The following HORMAD2 variants were observed in gnomAD, a reference collection of about 807,000 sequenced individuals.
The protein encoded by HORMAD2 is HORMA domain-containing protein 2.
A neutral mutation model predicts 38.8 loss-of-function variants in HORMAD2; 45 were observed. The observed-to-expected ratio is 1.16, with a 90% CI of 0.91 to 1.49. The LOEUF is 1.49. Among genes scored for constraint, HORMAD2 ranks in the 40% most tolerant of loss-of-function variants. The pLI is 0.00. For missense variants in HORMAD2, 338 were observed against 367.0 expected, an observed-to-expected ratio of 0.92 and a Z score of 0.65; for synonymous variants, 126 against 122.8, an observed-to-expected ratio of 1.03 and a Z score of -0.17.
the HORMAD2 span, among the ~76,000 whole-genome samples, chr22:30,183,426 C>G: frequency 1.3e-5 from 2 of 152,192 alleles, no homozygotes; most frequent in Non-Finnish European, 2.9e-5. Flanking sequence ...TGTTACAGGC[C>G]TGCATGCCCG....
chr22:30,203,430 G>A, the HORMAD2 span, among the ~76,000 whole-genome samples: 1 of 151,380 alleles, frequency 6.6e-6, no homozygotes, highest in African/African-American at 2.4e-5. Context: ...TTGGTGCTTG[G>A]AAATGCCTGG....
upstream of HORMAD2, among the ~76,000 whole-genome samples, chr22:30,077,931 T>C (rs908408524): frequency 1.3e-5 from 2 of 152,252 alleles, no homozygotes; most frequent in Non-Finnish European, 2.9e-5. Context: ...AGGTATCTAT[T>C]TGAATACCTT....
chr22:30,135,918 A>G lies in HORMAD2; in HGVS notation c.819+13704A>G, dbSNP rs1923620135. Among the ~76,000 whole-genome samples, 8 of 152,232 alleles carry G rather than the reference A, an allele frequency of 5.3e-5. No homozygotes were observed. The South Asian group carries it at 1.7e-3, about 32-fold the overall frequency. On this transcript the variant is annotated intron_variant, in intron 10 of 10. Coordinates refer to ENST00000336726, the MANE Select transcript of HORMAD2 (RefSeq NM_152510.4). ...CAGAATCTAATAAAAGTTTCTTGAT[A>G]TGTAAAGCAGCAGGAAAACTGATCC...
chr22:30,201,792 T>A, the HORMAD2 span, among the ~76,000 whole-genome samples: 197 of 152,178 alleles, frequency 1.3e-3, no homozygotes, highest in African/African-American at 4.3e-3. Flanking sequence ...CGAGGCTACA[T>A]CTAGAAGTTG....
the HORMAD2 span, among the ~76,000 whole-genome samples, chr22:30,206,123 C>T: frequency 1.8e-4 from 27 of 152,086 alleles, no homozygotes; most frequent in Admixed American, 9.2e-4. Context: ...TCTCACCCCC[C>T]GCCTCCATTT....
chr22:30,125,264 G>A (rs1288937659), intron 10 of HORMAD2, among the ~76,000 whole-genome samples: 3 of 39,786 alleles, frequency 7.5e-5, no homozygotes, highest in Non-Finnish European at 1.2e-4. Flanking sequence ...TCCTCTTGTT[G>A]CCCAGCAGGC....
the HORMAD2 span, among the ~76,000 whole-genome samples, chr22:30,202,853 G>A: frequency 3.4e-4 from 52 of 152,306 alleles, 1 homozygote; most frequent in Middle Eastern, 0.014. Context: ...CACTCTCAGC[G>A]GCTGTTCCTC....
At chr22:30,186,824 T>C in the HORMAD2 span, among the ~76,000 whole-genome samples, 29 of 151,814 alleles carry the variant, frequency 1.9e-4, no homozygotes, top group African/African-American at 5.5e-4. Context: ...GTGAACGTCA[T>C]TAATCAAATT....
chr22:30,118,998 C>T lies in HORMAD2; in HGVS notation c.361C>T (p.Gln121Ter). ...MGSEKVTEMYQFKFKYTKEGA... is the reference protein window; with the variant it reads ...MGSEKVTEMY ...TTTGTAGAAGGTGACTGAGATGTAC[C>T]AGTTCAAATTCAAATACACGAAAGA... The change falls in exon 8 of 11, where the codon CAG becomes TAG. Residue 121 changes from glutamine to a stop codon, truncating the protein, a stop_gained. Coordinates refer to ENST00000336726, the MANE Select transcript of HORMAD2 (RefSeq NM_152510.4). LOFTEE classifies it high-confidence loss of function. 6.3e-7 allele frequency: 1 copy of T among 1,588,034 alleles called. No homozygotes were observed. Among genetic ancestry groups the T allele is most frequent in the Non-Finnish European group, 8.6e-7 (1 of 1,166,086 alleles).
intron 8 of HORMAD2, among the ~76,000 whole-genome samples, chr22:30,119,411 A>G (rs1922283537): frequency 6.6e-6 from 1 of 152,188 alleles, no homozygotes. Context: ...TGCCTAGGGT[A>G]GATAATACCC....
At chr22:30,114,548 G>A (rs970967318) in intron 7 of HORMAD2, among the ~76,000 whole-genome samples, 3 of 152,140 alleles carry the variant, frequency 2.0e-5, no homozygotes, top group Non-Finnish European at 2.9e-5. Flanking sequence ...CATCGTCTTT[G>A]GCATTCATCT....
the HORMAD2 span, among the ~76,000 whole-genome samples, chr22:30,199,225 A>G: frequency 1.3e-5 from 2 of 152,248 alleles, no homozygotes; most frequent in Admixed American, 1.3e-4. Context: ...AAAGAAACGC[A>G]GGCGTGATCA....
At chr22:30,137,864 A>C (rs573340085) in intron 10 of HORMAD2, among the ~76,000 whole-genome samples, 1 of 152,278 alleles carries the variant, frequency 6.6e-6, no homozygotes, top group African/African-American at 2.4e-5. Flanking sequence ...ATTGTGAATA[A>C]TGCTGCTATA....
At chr22:30,156,595 T>C (rs1925092524) in intron 10 of HORMAD2, among the ~76,000 whole-genome samples, 1 of 152,264 alleles carries the variant, frequency 6.6e-6, no homozygotes, top group African/African-American at 2.4e-5. Flanking sequence ...TTCTGATGCC[T>C]GACGCCCTTG....
At chr22:30,181,640 T>C (rs568519723), downstream of HORMAD2, among the ~76,000 whole-genome samples, 1 of 152,354 alleles carries the variant, frequency 6.6e-6, no homozygotes, top group African/African-American at 2.4e-5. Context: ...TGTAGCTGTC[T>C]TTAAATTTAT....
At chr22:30,174,178 T>C (rs752016135) in intron 10 of HORMAD2, among the ~76,000 whole-genome samples, 56 of 152,344 alleles carry the variant, frequency 3.7e-4, no homozygotes, top group Non-Finnish European at 7.3e-4. Flanking sequence ...TAAAAAGCTG[T>C]ATGTTTAAAA....
the HORMAD2 span, among the ~76,000 whole-genome samples, chr22:30,201,021 A>T: frequency 6.6e-6 from 1 of 152,124 alleles, no homozygotes; most frequent in Non-Finnish European, 1.5e-5. Flanking sequence ...AAGTGCTGGG[A>T]TTATAGGCGT....
chr22:30,170,303 C>G (rs548486217), intron 10 of HORMAD2, among the ~76,000 whole-genome samples: 1 of 152,268 alleles, frequency 6.6e-6, no homozygotes, highest in South Asian at 2.1e-4. Flanking sequence ...TTCCTGGCTG[C>G]CTGGGGCTGC....
intron 10 of HORMAD2, among the ~76,000 whole-genome samples, chr22:30,127,706 T>C (rs921251156): frequency 2.0e-5 from 3 of 152,216 alleles, no homozygotes; most frequent in African/African-American, 7.2e-5. Context: ...TGTACTTCCA[T>C]AAATGTATAG....
Sources: gnomAD v4.1 joint callset for allele counts (sites outside exome capture counted in the v4.1 genomes callset) on GRCh38, gnomAD v4.1.1 for gene constraint, MANE v1.5 for transcripts, NCBI Gene and HGNC (gene_info 2026-07-23, HGNC 2026-07-21) for gene names.